The following MCAM variants were observed in gnomAD, a reference collection of about 807,000 sequenced individuals.
MCAM encodes cell surface glycoprotein MUC18.
In MCAM, 55 loss-of-function variants were observed where a neutral mutation model predicts 79.1. The observed-to-expected ratio is 0.70, with a 90% CI of 0.56 to 0.87. MCAM has a LOEUF of 0.87. Ranked by LOEUF, MCAM falls within the 40% of genes least tolerant of loss-of-function variation. MCAM has a pLI of 0.00. For synonymous variants in MCAM, 330 were observed against 339.8 expected (o/e 0.97, Z 0.32); for missense variants, 745 against 839.8 (o/e 0.89, Z 1.40).
rs745843105 is a variant in MCAM, at chr11:119,311,007, T to C, written c.1645+83A>G. Reference sequence around the variant, plus strand: ...CGACAAGATGGGGCTGCTACTCACCTTTCTGGACAGGGCTCTCTGGGGAGG... The same window carrying C: ...CGACAAGATGGGGCTGCTACTCACCCTTCTGGACAGGGCTCTCTGGGGAGG... On this transcript the variant is annotated intron_variant, in intron 13 of 15. Transcript: ENST00000264036. The surrounding 1 kb of genome is among the most constrained non-coding windows in gnomAD (Gnocchi z 4.4). 2 of 1,614,000 alleles carry C rather than the reference T, an allele frequency of 1.2e-6. No individual in the cohort carries two copies. Among genetic ancestry groups the C allele is most frequent in the South Asian group, 1.1e-5 (1 of 91,054 alleles).
rs200709459 is a variant in MCAM at position 119,312,359 on chromosome 11, G to C, written c.931C>G (p.Arg311Gly). 1.9e-6 allele frequency: 3 copies of C among 1,614,016 alleles called. No individual in the cohort carries two copies. Among genetic ancestry groups the C allele is most frequent in the Non-Finnish European group, 2.5e-6 (3 of 1,180,006 alleles). Reference sequence around the variant, plus strand: ...TCATAGCGCCCACTGTGTTCCTTCCGGGCAGGCTCCAGCACCAGGACCCCG... The same window carrying C: ...TCATAGCGCCCACTGTGTTCCTTCCCGGCAGGCTCCAGCACCAGGACCCCG... ...DNGVLVLEPA[R>G]KEHSGRYECQ... The change falls in exon 8 of 16, where the codon CGG becomes GGG. Residue 311 changes from arginine to glycine, a missense_variant. Transcript: ENST00000264036. The surrounding 1 kb of genome is among the most constrained non-coding windows in gnomAD (Gnocchi z 4.9).
At chr11:119,310,651 T>A (rs1053708112) in intron 14 of MCAM, 105 bp downstream of exon 14, 1 of 1,326,250 alleles carries the variant, frequency 7.5e-7, no homozygotes, top group South Asian at 1.3e-5. Flanking sequence ...GGCAGCACCC[T>A]GACCCAGGGC....
chr11:119,313,157 T>C lies in MCAM; in HGVS notation c.560-208A>G, dbSNP rs938448617. ...AGAAAAACATTTTCATGTCTGCTCA[T>C]ATCCAAGGATGTGTGCAAAGAATGC... On this transcript the variant is annotated intron_variant, in intron 5 of 15. Coordinates refer to ENST00000264036, the MANE Select transcript of MCAM (RefSeq NM_006500.3). 4 of 1,518,760 alleles carry C rather than the reference T, an allele frequency of 2.6e-6. No individual in the cohort carries two copies. The African/African-American group carries it at 5.5e-5, about 21-fold the overall frequency. The allele number at this position is 1,518,760 out of a possible 1,614,324, so 94.1% of individuals were successfully genotyped here.
chr11:119,310,068 G>A (rs1950207222), intron 15 of MCAM, 153 bp from the exon 16 acceptor site: 6 of 701,218 alleles, frequency 8.6e-6, no homozygotes, highest in Non-Finnish European at 1.2e-5. Context: ...GGCCAGGGAA[G>A]GAGGGCGGCC....
At chr11:119,310,550 G>A in intron 14 of MCAM, 84 bp from the exon 15 acceptor site, 1 of 1,115,950 alleles carries the variant, frequency 9.0e-7, no homozygotes, top group Non-Finnish European at 1.4e-6. Context: ...TGGAATGGAT[G>A]AGGGCTCCTT....
At position 119,309,147 on chromosome 11, in the gene MCAM, T is replaced by C. The variant is rs983098487; in HGVS notation, c.*739A>G. ...CCACTACGCCTAGCTAATTTTTTTT[T>C]GTATTTTTAGTAGAGACAGGGTTTC... On this transcript the variant is annotated 3_prime_UTR_variant, in exon 16 of 16. Coordinates refer to ENST00000264036, the MANE Select transcript of MCAM (RefSeq NM_006500.3). 1 of 152,200 alleles carries C rather than the reference T, an allele frequency of 6.6e-6. No individual in the cohort carries two copies. The highest frequency in any genetic ancestry group is 2.4e-5 in the African/African-American group (1 of 41,446). The allele number at this position is 152,200 out of a possible 1,614,324, so 9.4% of individuals were successfully genotyped here. A position where few individuals can be genotyped will look rare whatever the true frequency, so the allele number is the denominator to read the frequency against.
chr11:119,312,235 G>C lies in MCAM; in HGVS notation c.1024+31C>G. 1 of 1,612,764 alleles carries C rather than the reference G, an allele frequency of 6.2e-7. No individual in the cohort carries two copies. The highest frequency in any genetic ancestry group is 8.5e-7 in the Non-Finnish European group (1 of 1,179,144). ...GCCAGTTCCCTATTGCCCCAGCCTG[G>C]TCCCCCTGTCCTGGGTCCCCAGCCC... On this transcript the variant is annotated intron_variant, in intron 8 of 15. Transcript: ENST00000264036. This position sits in a 1 kb window ranked among gnomAD's most constrained non-coding sequence, Gnocchi z 4.9.
Position 119,311,050 on chromosome 11 carries a change from G to A in MCAM, c.1645+40C>T, listed in dbSNP as rs769471631. 9.9e-6 allele frequency: 16 copies of A among 1,614,064 alleles called. No individual in the cohort carries two copies. In the South Asian group the frequency reaches 1.4e-4, roughly 14 times the overall value. ...TGGGGAGGGACAGGGCAGAAAGGAT[G>A]CCCTGGCACAGCCCTGTTCTCTTGC... On this transcript the variant is annotated intron_variant, in intron 13 of 15. Transcript: ENST00000264036. The surrounding 1 kb of genome is among the most constrained non-coding windows in gnomAD (Gnocchi z 4.4).
At position 119,314,976 on chromosome 11, in the gene MCAM, C is replaced by A. The variant is rs765322796; in HGVS notation, c.257G>T (p.Gly86Val). ...VRQGQGQSEP[G>V]EYEQRLSLQD... Reference sequence around the variant, plus strand: ...GAGGCTGAGCCGCTGCTCGTACTCCCCAGGTTCGCTCTGGCCCTGGCCCTG... The same window carrying A: ...GAGGCTGAGCCGCTGCTCGTACTCCACAGGTTCGCTCTGGCCCTGGCCCTG... Residue 86 changes from glycine (G) to valine (V), a missense_variant, in exon 3 of 16, where the codon GGG becomes GTG. Transcript: ENST00000264036. 21 of 1,611,408 alleles carry A rather than the reference C, an allele frequency of 1.3e-5. No individual in the cohort carries two copies. In the Middle Eastern group the frequency reaches 2.1e-3, roughly 164 times the overall value.
Position 119,315,253 on chromosome 11 carries a change from T to C in MCAM, c.78A>G (p.Gly26=). 1.2e-6 allele frequency: 2 copies of C among 1,610,224 alleles called. No homozygotes were observed. The highest frequency in any genetic ancestry group is 1.7e-6 in the Non-Finnish European group (2 of 1,179,734). ...CCCPRVAGVP[G]EAEQPAPELV... ...GCTCAGGCGCAGGCTGCTCAGCCTC[T>C]CCGGGCACACCTGGGGGAGGGAGGC... The change falls in exon 2 of 16, where the codon GGA becomes GGG. Residue 26 remains glycine (G), a synonymous_variant. Transcript: ENST00000264036. The surrounding 1 kb of genome is among the most constrained non-coding windows in gnomAD (Gnocchi z 4.4).
At position 119,308,584 on chromosome 11, in the gene MCAM, TATAC is replaced by T. The variant is rs1403067335; in HGVS notation, c.*1298_*1301del. On this transcript the variant is annotated 3_prime_UTR_variant, in exon 16 of 16. Transcript: ENST00000264036. Reference sequence around the variant, plus strand: ...ATATATATATATTTTCATATATATATATACATACATATATAAAGGAAACAATTTG... The same window carrying T: ...ATATATATATATTTTCATATATATATATACATATATAAAGGAAACAATTTG... 1 of 150,902 alleles carries T rather than the reference TATAC, an allele frequency of 6.6e-6. No individual in the cohort carries two copies. The highest frequency in any genetic ancestry group is 2.4e-5 in the African/African-American group (1 of 41,166). The allele number at this position is 150,902 out of a possible 1,614,324, so 9.3% of individuals were successfully genotyped here.
At position 119,310,769 on chromosome 11, in the gene MCAM, C is replaced by T. The variant is rs942141271; in HGVS notation, c.1780G>A (p.Gly594Arg). 6.2e-7 allele frequency: 1 copy of T among 1,614,078 alleles called. No individual in the cohort carries two copies. Among genetic ancestry groups the T allele is most frequent in the African/African-American group, 1.3e-5 (1 of 75,072 alleles). The stretch of plus-strand genomic sequence containing the variant: ...TGTTGGGCTTACATCTCCTGCTTCC[C>T]TGAGCGCCTGCACGGCAGCTTGCCC... ...KKGKLPCRRSGKQEITLPPSR... is the reference protein window; with the variant it reads ...KKGKLPCRRSRKQEITLPPSR... The change falls in exon 14 of 16, where the codon GGG (glycine) becomes AGG (arginine). Residue 594 changes from glycine to arginine, a missense_variant. Physicochemically the swap from Gly to Arg is moderately radical, Grantham distance 125. Transcript: ENST00000264036.
chr11:119,316,850 C>T lies in MCAM; in HGVS notation c.67+185G>A, dbSNP rs991650976. 1.6e-5 allele frequency: 9 copies of T among 549,146 alleles called. No individual in the cohort carries two copies. Among genetic ancestry groups the T allele is most frequent in the Admixed American group, 1.0e-4 (3 of 29,426 alleles). 34.0% of individuals were successfully genotyped at this position (549,146 alleles called of 1,614,324 possible). A position where few individuals can be genotyped will look rare whatever the true frequency, so the allele number is the denominator to read the frequency against. ...CTGCTCCCGGGATACTCTAGAATCC[C>T]GGCTGCAAACTGGCTGCAAAGAAGA... On this transcript the variant is annotated intron_variant, in intron 1 of 15. Transcript: ENST00000264036. The surrounding 1 kb of genome is among the most constrained non-coding windows in gnomAD (Gnocchi z 4.8).
chr11:119,316,943 G>T lies in MCAM; in HGVS notation c.67+92C>A. 1.7e-6 allele frequency: 2 copies of T among 1,176,574 alleles called. No homozygotes were observed. The highest frequency in any genetic ancestry group is 2.3e-6 in the Non-Finnish European group (2 of 853,782). 72.9% of individuals were successfully genotyped at this position (1,176,574 alleles called of 1,614,324 possible). On this transcript the variant is annotated intron_variant, in intron 1 of 15. Coordinates refer to ENST00000264036, the MANE Select transcript of MCAM (RefSeq NM_006500.3). This position sits in a 1 kb window ranked among gnomAD's most constrained non-coding sequence, Gnocchi z 4.8. The stretch of plus-strand genomic sequence containing the variant: ...GGAGGCTCGTCCTCCCAGACGCAAC[G>T]CCCCGACCCCGCCGCGCCGCTGGCT...
rs946196284 is a variant in MCAM at position 119,316,192 on chromosome 11, A to T, written c.67+843T>A. On this transcript the variant is annotated intron_variant, in intron 1 of 15. Coordinates refer to ENST00000264036, the MANE Select transcript of MCAM (RefSeq NM_006500.3). This position sits in a 1 kb window ranked among gnomAD's most constrained non-coding sequence, Gnocchi z 4.8. ...CCCAGGGACATGGTTGGCACTGGGCATGAGGCCAGCGAGCTGGGTATTGCC... is the reference window on the plus strand; with the variant it reads ...CCCAGGGACATGGTTGGCACTGGGCTTGAGGCCAGCGAGCTGGGTATTGCC... The T allele has an allele frequency of 2.0e-5, 3 of 152,242 alleles. No individual in the cohort carries two copies. The highest frequency in any genetic ancestry group is 7.2e-5 in the African/African-American group (3 of 41,460). The allele number at this position is 152,242 out of a possible 1,614,324, so 9.4% of individuals were successfully genotyped here. A position where few individuals can be genotyped will look rare whatever the true frequency, so the allele number is the denominator to read the frequency against.
rs1950195646 is a variant in MCAM, at chr11:119,309,553, G to A, written c.*333C>T. The A allele has an allele frequency of 2.8e-6, 1 of 351,824 alleles. No individual in the cohort carries two copies. The highest frequency in any genetic ancestry group is 8.8e-4 in the Middle Eastern group (1 of 1,130). The allele number at this position is 351,824 out of a possible 1,614,324, so 21.8% of individuals were successfully genotyped here. On this transcript the variant is annotated 3_prime_UTR_variant, in exon 16 of 16. Coordinates refer to ENST00000264036, the MANE Select transcript of MCAM (RefSeq NM_006500.3). ...AGAGAGGCTACCCAGCTCAGCTGCT[G>A]GCAGGAGCCAGGTATTTACAGCCAT... is the stretch of plus-strand genomic sequence containing the variant.
In MCAM at chr11:119,309,668, A is replaced by C. The variant is rs867834446; in HGVS notation, c.*218T>G. The C allele has an allele frequency of 1.5e-5, 7 of 467,212 alleles. No individual in the cohort carries two copies. Among genetic ancestry groups the C allele is most frequent in the Middle Eastern group, 5.1e-4 (1 of 1,964 alleles). 28.9% of individuals were successfully genotyped at this position (467,212 alleles called of 1,614,324 possible). On this transcript the variant is annotated 3_prime_UTR_variant, in exon 16 of 16. Coordinates refer to ENST00000264036, the MANE Select transcript of MCAM (RefSeq NM_006500.3). ...CCTTGCTTGGGATGAGCTTCACTCAACGTGGAGGAGATGGTGGTGGACTGG... is the reference window on the plus strand; with the variant it reads ...CCTTGCTTGGGATGAGCTTCACTCACCGTGGAGGAGATGGTGGTGGACTGG...
rs1003885205 is a variant in MCAM, at chr11:119,311,081, C to G, written c.1645+9G>C. ...GCACAGCCCTGTTCTCTTGCCAGGCCTGGCTTACCTGTGGAGGTGCTGTTG... is the reference window on the plus strand; with the variant it reads ...GCACAGCCCTGTTCTCTTGCCAGGCGTGGCTTACCTGTGGAGGTGCTGTTG... On this transcript the variant is annotated intron_variant, in intron 13 of 15. Transcript: ENST00000264036. This position sits in a 1 kb window ranked among gnomAD's most constrained non-coding sequence, Gnocchi z 4.4. The G allele has an allele frequency of 1.2e-6, 2 of 1,614,118 alleles. No homozygotes were observed. Among genetic ancestry groups the G allele is most frequent in the Non-Finnish European group, 1.7e-6 (2 of 1,180,044 alleles).
At chr11:119,313,067 G>C (rs1390079125) in intron 5 of MCAM, 118 bp from the exon 6 acceptor site, 1 of 1,559,226 alleles carries the variant, frequency 6.4e-7, no homozygotes. Context: ...CCCTGTAGAA[G>C]GCCAGGTACA....
Sources: gnomAD v4.1 joint callset for allele counts on GRCh38, gnomAD v4.1.1 for gene constraint, Gnocchi (gnomAD v3.1) non-coding constraint, MANE v1.5 for transcripts, NCBI Gene and HGNC (gene_info 2026-07-23, HGNC 2026-07-21) for gene names.